The following CCDC60 variants were observed in gnomAD, a reference collection of about 807,000 sequenced individuals.
The protein encoded by CCDC60 is coiled-coil domain-containing protein 60.
A neutral mutation model predicts 63.5 loss-of-function variants in CCDC60; 54 were observed. The observed-to-expected ratio is 0.85, with a 90% CI of 0.68 to 1.07. CCDC60 has a LOEUF of 1.07. CCDC60 is among the 50% of genes least tolerant of loss of function. The probability of loss-of-function intolerance (pLI) is 0.00; values close to 1 mark genes in which losing one functional copy is unlikely to be tolerated. For missense variants in CCDC60, 651 were observed against 684.3 expected (o/e 0.95, Z 0.54); for synonymous variants, 206 against 238.8 (o/e 0.86, Z 1.27).
At chr12:119,400,824 G>A (rs138083108) in intron 1 of CCDC60, among the ~76,000 whole-genome samples, 15 of 147,164 alleles carry the variant, frequency 1.0e-4, no homozygotes, top group East Asian at 3.9e-4. Flanking sequence ...CAACTGGTTC[G>A]AATGATGGCC....
At chr12:119,493,690 C>T (rs1323604806) in intron 5 of CCDC60, among the ~76,000 whole-genome samples, 1 of 152,150 alleles carries the variant, frequency 6.6e-6, no homozygotes, top group African/African-American at 2.4e-5. Flanking sequence ...TTGAAACCAA[C>T]CCTTCAATAA....
intron 1 of CCDC60, among the ~76,000 whole-genome samples, chr12:119,425,944 C>T (rs11064793): frequency 0.23 from 35,073 of 152,154 alleles, 4,121 homozygotes; most frequent in African/African-American, 0.25. Flanking sequence ...GAAGGAAAGG[C>T]AAAGGGCCTA....
intron 2 of CCDC60, among the ~76,000 whole-genome samples, chr12:119,468,335 A>G (rs748483338): frequency 2.6e-5 from 4 of 152,176 alleles, no homozygotes; most frequent in African/African-American, 2.4e-5. Context: ...AAAAGCACCT[A>G]TAACTGACAA....
intron 1 of CCDC60, among the ~76,000 whole-genome samples, chr12:119,405,808 C>T (rs554448749): frequency 1.3e-5 from 2 of 152,284 alleles, no homozygotes; most frequent in Non-Finnish European, 2.9e-5. Context: ...CACCACTCCC[C>T]ACCCCTAACT....
Position 119,479,184 on chromosome 12 carries a change from G to A in CCDC60, c.432G>A (p.Ser144=), listed in dbSNP as rs1358308429. ...TCCACAGCTGCATCATTTCTCCCTC[G>A]CTAACCGAGGCTCACGTGTAAGTAG... ...TPIHSCIISP[S]LTEAHVEPLF... is the part of the protein sequence containing the mutation. The change falls in exon 4 of 14, where the codon TCG becomes TCA. Residue 144 remains serine (S), a synonymous_variant. Coordinates refer to ENST00000327554, the MANE Select transcript of CCDC60 (RefSeq NM_178499.5). The A allele has an allele frequency of 5.6e-6, 9 of 1,613,276 alleles. No homozygotes were observed. Among genetic ancestry groups the A allele is most frequent in the Admixed American group, 1.7e-5 (1 of 59,972 alleles).
chr12:119,502,023 T>A (rs1176575257), intron 6 of CCDC60, among the ~76,000 whole-genome samples: 1 of 152,164 alleles, frequency 6.6e-6, no homozygotes, highest in Non-Finnish European at 1.5e-5. Flanking sequence ...AATACTCTTC[T>A]TTTCCCCTGA....
intron 5 of CCDC60, among the ~76,000 whole-genome samples, chr12:119,499,418 C>T (rs1593176762): frequency 6.6e-6 from 1 of 152,212 alleles, no homozygotes; most frequent in South Asian, 2.1e-4. Context: ...AGCCCTGAAG[C>T]TTTAGCTTCA....
intron 2 of CCDC60, among the ~76,000 whole-genome samples, chr12:119,460,769 CTG>C (rs1950842427): frequency 6.6e-6 from 1 of 152,152 alleles, no homozygotes; most frequent in African/African-American, 2.4e-5. Context: ...ATTCTGGACA[CTG>C]AGAAAATACA....
At chr12:119,349,484 T>C (rs576486958) in intron 1 of CCDC60, among the ~76,000 whole-genome samples, 3 of 152,140 alleles carry the variant, frequency 2.0e-5, no homozygotes, top group African/African-American at 7.2e-5. Flanking sequence ...TAACTGGGAT[T>C]ACAGGTGTGT....
chr12:119,364,151 CCTT>C (rs1193632040), intron 1 of CCDC60, among the ~76,000 whole-genome samples: 1 of 151,814 alleles, frequency 6.6e-6, no homozygotes. Flanking sequence ...TGCTTCCCTT[CCTT>C]CTTCTCTCCT....
chr12:119,409,173 AC>A (rs1956548489), intron 1 of CCDC60, among the ~76,000 whole-genome samples: 1 of 152,062 alleles, frequency 6.6e-6, no homozygotes, highest in South Asian at 2.1e-4. Context: ...GGAAAGCAAA[AC>A]CTAGATCCTG....
intron 4 of CCDC60, among the ~76,000 whole-genome samples, chr12:119,484,482 G>A (rs1951392936): frequency 6.6e-6 from 1 of 152,048 alleles, no homozygotes; most frequent in African/African-American, 2.4e-5. Context: ...TTGGGAAACT[G>A]AGGCAGGCGG....
At position 119,538,400 on chromosome 12, in the gene CCDC60, G is replaced by A. The variant is rs563240533; in HGVS notation, c.1552-2214G>A. Among the ~76,000 whole-genome samples the A allele has an allele frequency of 4.6e-5, 7 of 152,254 alleles. No homozygotes were observed. The South Asian group carries it at 8.3e-4, about 18-fold the overall frequency. On this transcript the variant is annotated intron_variant, in intron 13 of 13. Coordinates refer to ENST00000327554, the MANE Select transcript of CCDC60 (RefSeq NM_178499.5). Reference sequence around the variant, plus strand: ...GTGAGGCGATACCCTGCCCTGTTTCGGCTTGCCCTCCATGGGCTGCACCCA... The same window carrying A: ...GTGAGGCGATACCCTGCCCTGTTTCAGCTTGCCCTCCATGGGCTGCACCCA...
chr12:119,411,084 G>A (rs1192914582), intron 1 of CCDC60, among the ~76,000 whole-genome samples: 1 of 152,184 alleles, frequency 6.6e-6, no homozygotes, highest in Non-Finnish European at 1.5e-5. Flanking sequence ...CTTCAGAAAT[G>A]GAGACCCAAA....
intron 2 of CCDC60, among the ~76,000 whole-genome samples, chr12:119,430,535 T>C (rs1727389): frequency 0.66 from 99,716 of 151,584 alleles, 33,159 homozygotes; most frequent in East Asian, 0.84. Context: ...GGCATGGTGG[T>C]GGGCGCCTGT....
At chr12:119,348,425 A>C (rs536372662) in intron 1 of CCDC60, among the ~76,000 whole-genome samples, 6 of 152,286 alleles carry the variant, frequency 3.9e-5, no homozygotes, top group African/African-American at 4.8e-5. Flanking sequence ...AAATTGCCTC[A>C]GTAAAAGCAC....
intron 1 of CCDC60, among the ~76,000 whole-genome samples, chr12:119,403,725 A>C (rs557779013): frequency 6.6e-6 from 1 of 152,224 alleles, no homozygotes; most frequent in East Asian, 1.9e-4. Flanking sequence ...GCTATGCTCC[A>C]GCTGGACTGA....
chr12:119,500,307 G>T (rs932232930), intron 6 of CCDC60, 139 bp downstream of exon 6: 4 of 651,810 alleles, frequency 6.1e-6, no homozygotes, highest in African/African-American at 3.8e-5. Context: ...AGAGCCACAG[G>T]CTGTTGGATG....
At chr12:119,335,777 T>C (rs1200675882) in intron 1 of CCDC60, among the ~76,000 whole-genome samples, 1 of 151,930 alleles carries the variant, frequency 6.6e-6, no homozygotes, top group Admixed American at 6.6e-5. Flanking sequence ...GTACTTTCTT[T>C]TGCTGTACAG....
Sources: allele counts gnomAD v4.1 joint callset (sites outside exome capture counted in the v4.1 genomes callset), GRCh38; gene constraint gnomAD v4.1.1; transcripts MANE v1.5; gene names NCBI Gene and HGNC (gene_info 2026-07-23, HGNC 2026-07-21).